The following CAST variants were observed in gnomAD, a reference collection of about 807,000 sequenced individuals.
CAST encodes calpastatin.
Under a neutral mutation model 119.6 loss-of-function variants are expected in CAST, and 76 were observed. The ratio of observed to expected loss-of-function variants is 0.64; its 90% CI spans 0.53 to 0.77. The LOEUF is 0.77. CAST is among the 30% of genes least tolerant of loss of function. The pLI is 0.00. For synonymous variants in CAST, 319 were observed against 331.6 expected, an observed-to-expected ratio of 0.96 and a Z score of 0.41; for missense variants, 953 against 946.5, an observed-to-expected ratio of 1.01 and a Z score of -0.09.
the CAST span, among the ~76,000 whole-genome samples, chr5:96,010,976 G>A: frequency 2.0e-5 from 3 of 152,116 alleles, no homozygotes; most frequent in African/African-American, 4.8e-5. Context: ...TACTGAAGTC[G>A]TTCATCAGTT....
chr5:96,275,436 A>G, the CAST span, among the ~76,000 whole-genome samples: 1 of 152,198 alleles, frequency 6.6e-6, no homozygotes, highest in Middle Eastern at 3.2e-3. Context: ...GAAATTGAAA[A>G]ATGTGACAGA....
chr5:96,100,444 C>T, the CAST span, among the ~76,000 whole-genome samples: 1 of 152,176 alleles, frequency 6.6e-6, no homozygotes, highest in Non-Finnish European at 1.5e-5. Flanking sequence ...GACTTACTGC[C>T]TGGTTCTTGC....
the CAST span, among the ~76,000 whole-genome samples, chr5:96,106,631 C>G: frequency 6.8e-6 from 1 of 147,308 alleles, no homozygotes; most frequent in African/African-American, 2.5e-5. Context: ...CTGAGGAGAG[C>G]TTTACTTCCA....
At chr5:96,161,894 T>C in the CAST span, among the ~76,000 whole-genome samples, 4 of 152,198 alleles carry the variant, frequency 2.6e-5, no homozygotes, top group African/African-American at 9.6e-5. Flanking sequence ...AGAATTGTTT[T>C]CTTAATTTTA....
At chr5:96,266,935 A>C in the CAST span, among the ~76,000 whole-genome samples, 6 of 152,208 alleles carry the variant, frequency 3.9e-5, no homozygotes, top group African/African-American at 1.4e-4. Flanking sequence ...GCAGAAAATC[A>C]ATTCAGAATT....
chr5:96,488,251 C>T, the CAST span, among the ~76,000 whole-genome samples: 13 of 152,204 alleles, frequency 8.5e-5, no homozygotes, highest in African/African-American at 2.9e-4. Context: ...GAATTGTAGT[C>T]CCTTTTCCTG....
At chr5:96,266,145 A>T in the CAST span, among the ~76,000 whole-genome samples, 1 of 152,210 alleles carries the variant, frequency 6.6e-6, no homozygotes, top group African/African-American at 2.4e-5. Context: ...AAATATGAGG[A>T]TGAGACAGTT....
At chr5:96,165,143 G>A in the CAST span, among the ~76,000 whole-genome samples, 2 of 152,000 alleles carry the variant, frequency 1.3e-5, no homozygotes, top group Admixed American at 1.3e-4. Context: ...ATGCAGCAGT[G>A]GAATCTGACA....
chr5:96,217,204 A>ATTTTTTTTT, the CAST span, among the ~76,000 whole-genome samples: 31,297 of 95,566 alleles, frequency 0.33, 6,042 homozygotes, highest in East Asian at 0.49. Context: ...ATGCTAGCTA[A>ATTTTTTTTT]TTTTTTTTTT....
the CAST span, among the ~76,000 whole-genome samples, chr5:96,014,642 A>G: frequency 6.6e-6 from 1 of 152,140 alleles, no homozygotes; most frequent in Non-Finnish European, 1.5e-5. Context: ...CAACTTCATT[A>G]TAATCTTATG....
chr5:96,633,472 C>T (rs143430543), intron 1 of CAST, among the ~76,000 whole-genome samples: 1 of 152,132 alleles, frequency 6.6e-6, no homozygotes, highest in African/African-American at 2.4e-5. Context: ...TCTTTTGATG[C>T]CATTTAAATT....
the CAST span, among the ~76,000 whole-genome samples, chr5:96,123,882 A>AT: frequency 3.3e-5 from 5 of 151,916 alleles, no homozygotes; most frequent in South Asian, 2.1e-4. Flanking sequence ...AATTGCTTAG[A>AT]TTTTTTTTCC....
the CAST span, among the ~76,000 whole-genome samples, chr5:96,191,189 A>G: frequency 2.6e-5 from 4 of 152,182 alleles, no homozygotes; most frequent in East Asian, 7.7e-4. Context: ...GCTAAAGGAA[A>G]TTATTCTTGG....
chr5:96,444,629 A>C, the CAST span, among the ~76,000 whole-genome samples: 22,008 of 152,158 alleles, frequency 0.14, 1,854 homozygotes, highest in East Asian at 0.27. Context: ...CTAAAATATC[A>C]GTTTTATTTT....
chr5:96,174,498 T>C, the CAST span, among the ~76,000 whole-genome samples: 2 of 152,250 alleles, frequency 1.3e-5, no homozygotes, highest in Non-Finnish European at 1.5e-5. Context: ...GTCAGAATCC[T>C]CTGTATGACA....
intron 6 of CAST, 158 bp from the exon 7 acceptor site, chr5:96,728,995 C>G: frequency 1.7e-6 from 1 of 590,320 alleles, no homozygotes; most frequent in South Asian, 2.1e-5. Flanking sequence ...TACCACATGT[C>G]TACTTCTGTG....
chr5:96,627,020 T>C (rs922436087), intron 1 of CAST, among the ~76,000 whole-genome samples: 1 of 152,232 alleles, frequency 6.6e-6, no homozygotes, highest in African/African-American at 2.4e-5. Context: ...GACATCATTC[T>C]AAAGTCAGCT....
At chr5:96,315,068 T>G in the CAST span, among the ~76,000 whole-genome samples, 1 of 152,176 alleles carries the variant, frequency 6.6e-6, no homozygotes, top group Non-Finnish European at 1.5e-5. Context: ...GCAATCAGTG[T>G]GATTATAAAC....
the CAST span, among the ~76,000 whole-genome samples, chr5:96,484,673 C>G: frequency 6.6e-6 from 1 of 152,140 alleles, no homozygotes; most frequent in African/African-American, 2.4e-5. Context: ...AATTTTCTCT[C>G]TCACTAGAGA....
Sources: allele counts gnomAD v4.1 joint callset (sites outside exome capture counted in the v4.1 genomes callset), GRCh38; gene constraint gnomAD v4.1.1; transcripts MANE v1.5; gene names NCBI Gene and HGNC (gene_info 2026-07-23, HGNC 2026-07-21).